The following AUTS2 variants were observed in gnomAD, a reference collection of about 807,000 sequenced individuals.
AUTS2 encodes the protein autism susceptibility gene 2 protein.
In AUTS2, 17 loss-of-function variants were observed where a neutral mutation model predicts 112.4. The ratio of observed to expected loss-of-function variants is 0.15; its 90% CI spans 0.10 to 0.23. The LOEUF is 0.23. AUTS2 is among the 10% of genes least tolerant of loss of function. AUTS2 has a pLI of 1.00. For synonymous variants in AUTS2, 751 were observed against 702.7 expected (o/e 1.07, Z -1.09); for missense variants, 1,510 against 1,701.6 (o/e 0.89, Z 1.98).
intron 4 of AUTS2, among the ~76,000 whole-genome samples, chr7:70,192,036 T>G (rs1439229100): frequency 2.6e-5 from 4 of 152,152 alleles, no homozygotes; most frequent in Non-Finnish European, 5.9e-5. Context: ...GCCTGGATTT[T>G]GAAACCTAAC....
intron 5 of AUTS2, among the ~76,000 whole-genome samples, chr7:70,610,631 G>T (rs1209990519): frequency 6.6e-6 from 1 of 151,772 alleles, no homozygotes; most frequent in Non-Finnish European, 1.5e-5. Context: ...TAGAGACCAG[G>T]TCTCACTATG....
In AUTS2 at chr7:70,533,974, TG is replaced by T; in HGVS notation, c.690+98195del. Among the ~76,000 whole-genome samples, 2 of 152,344 alleles carry T rather than the reference TG, an allele frequency of 1.3e-5. 1 individual carries two copies. Among genetic ancestry groups the T allele is most frequent in the Middle Eastern group, 6.8e-3 (2 of 294 alleles). On this transcript the variant is annotated intron_variant, in intron 5 of 18. Transcript: ENST00000342771. ...GCCTACACAATGGTTGCCTTCAGTC[TG>T]GAGAGTAGTGAATGGCAATGAGTAA... is the stretch of plus-strand genomic sequence containing the variant.
intron 2 of AUTS2, among the ~76,000 whole-genome samples, chr7:70,038,745 C>A (rs1801116875): frequency 6.6e-6 from 1 of 152,052 alleles, no homozygotes; most frequent in South Asian, 2.1e-4. Context: ...AGTGGCATCA[C>A]TTTCCTGAGC....
chr7:69,830,753 C>T (rs553999974), intron 1 of AUTS2, among the ~76,000 whole-genome samples: 2 of 152,346 alleles, frequency 1.3e-5, no homozygotes, highest in Admixed American at 1.3e-4. Flanking sequence ...ATTAGCCAGA[C>T]ACTTAAATCG....
intron 4 of AUTS2, among the ~76,000 whole-genome samples, chr7:70,174,622 C>G (rs1808887481): frequency 1.3e-5 from 2 of 152,190 alleles, no homozygotes; most frequent in South Asian, 4.1e-4. Context: ...TAGCTGGTGA[C>G]TTTAAGTTGA....
At chr7:70,184,280 G>C (rs1809485698) in intron 4 of AUTS2, among the ~76,000 whole-genome samples, 1 of 152,202 alleles carries the variant, frequency 6.6e-6, no homozygotes, top group Non-Finnish European at 1.5e-5. Context: ...ACAGAGTGTA[G>C]AAAGCCACAG....
At chr7:70,035,855 A>G (rs1475748438) in intron 2 of AUTS2, among the ~76,000 whole-genome samples, 1 of 152,148 alleles carries the variant, frequency 6.6e-6, no homozygotes, top group African/African-American at 2.4e-5. Context: ...ATCCTTTCAT[A>G]CGTCCTAAAA....
At chr7:69,828,865 A>G (rs375829810) in intron 1 of AUTS2, among the ~76,000 whole-genome samples, 9 of 152,226 alleles carry the variant, frequency 5.9e-5, no homozygotes, top group East Asian at 1.9e-4. Context: ...GACATGATAC[A>G]TAACTCCTAA....
chr7:70,092,738 C>T (rs961163025), intron 2 of AUTS2, among the ~76,000 whole-genome samples: 2 of 152,170 alleles, frequency 1.3e-5, no homozygotes, highest in African/African-American at 4.8e-5. Flanking sequence ...GAATGAGTCT[C>T]AGCTTTTTAA....
At chr7:70,060,383 C>T (rs1328799912) in intron 2 of AUTS2, among the ~76,000 whole-genome samples, 1 of 152,162 alleles carries the variant, frequency 6.6e-6, no homozygotes, top group African/African-American at 2.4e-5. Flanking sequence ...ATAGCAGCCT[C>T]AGCTTTACTT....
At chr7:69,682,410 A>C (rs1292012600) in intron 1 of AUTS2, among the ~76,000 whole-genome samples, 3 of 149,188 alleles carry the variant, frequency 2.0e-5, no homozygotes, top group African/African-American at 4.9e-5. Context: ...TCTGGTAAGA[A>C]CTCTTCCTGA....
chr7:70,062,219 A>G (rs1475541396), intron 2 of AUTS2, among the ~76,000 whole-genome samples: 1 of 151,984 alleles, frequency 6.6e-6, no homozygotes, highest in African/African-American at 2.4e-5. Context: ...TAGAAATAAG[A>G]CACATATTTG....
intron 1 of AUTS2, among the ~76,000 whole-genome samples, chr7:69,668,314 A>G (rs1349538343): frequency 6.6e-6 from 1 of 152,228 alleles, no homozygotes; most frequent in African/African-American, 2.4e-5. Flanking sequence ...AGTTATGATT[A>G]TAATGTAGCG....
In AUTS2 at chr7:70,477,959, G is replaced by A. The variant is rs749598168; in HGVS notation, c.690+42178G>A. ...GCCCCACAGATGAGGATCTGTGAGC[G>A]TGGTTCTGACCCTTGATATGCCAGC... On this transcript the variant is annotated intron_variant, in intron 5 of 18. Transcript: ENST00000342771. Among the ~76,000 whole-genome samples, 4 of 38,496 alleles carry A rather than the reference G, an allele frequency of 1.0e-4. No homozygotes were observed. The South Asian group carries it at 1.5e-3, about 15-fold the overall frequency. 25.3% of individuals were successfully genotyped at this position (38,496 alleles called of 152,430 possible).
chr7:70,345,053 C>T (rs1184274905), intron 4 of AUTS2, among the ~76,000 whole-genome samples: 1 of 152,216 alleles, frequency 6.6e-6, no homozygotes, highest in Non-Finnish European at 1.5e-5. Context: ...TAATAAGCTT[C>T]TCACTGTATG....
At chr7:69,876,343 AAAAAAAATATATATATATATATATAT>A (rs1793751623) in intron 1 of AUTS2, among the ~76,000 whole-genome samples, 1 of 80,594 alleles carries the variant, frequency 1.2e-5, no homozygotes, top group Non-Finnish European at 2.4e-5. Context: ...AAAAAAAAAA[AAAAAAAATATATATATATATATATAT>A]ATATATATAT....
intron 4 of AUTS2, among the ~76,000 whole-genome samples, chr7:70,337,221 A>C (rs893527313): frequency 2.6e-5 from 4 of 152,234 alleles, no homozygotes; most frequent in Non-Finnish European, 5.9e-5. Flanking sequence ...TTAAAGGATG[A>C]AGGGTGACAT....
chr7:69,884,194 C>T (rs1049713432), intron 1 of AUTS2, among the ~76,000 whole-genome samples: 18 of 152,200 alleles, frequency 1.2e-4, no homozygotes, highest in Non-Finnish European at 2.9e-5. Flanking sequence ...GAGTTATGTA[C>T]TTAGTAACTC....
At chr7:70,018,421 C>T (rs1295542419) in intron 2 of AUTS2, among the ~76,000 whole-genome samples, 1 of 152,168 alleles carries the variant, frequency 6.6e-6, no homozygotes, top group Admixed American at 6.5e-5. Flanking sequence ...TAACGATCAA[C>T]TTCAACCACT....
Sources: gnomAD v4.1 joint callset for allele counts (sites outside exome capture counted in the v4.1 genomes callset) on GRCh38, gnomAD v4.1.1 for gene constraint, MANE v1.5 for transcripts, NCBI Gene and HGNC (gene_info 2026-07-23, HGNC 2026-07-21) for gene names.